Variants in TTC22 observed in about 807,000 individuals in gnomAD.
TTC22 encodes tetratricopeptide repeat protein 22.
A neutral mutation model predicts 48.2 loss-of-function variants in TTC22; 42 were observed. The observed-to-expected ratio is 0.87, with a 90% CI of 0.68 to 1.13. TTC22 has a LOEUF of 1.13. TTC22 is among the 50% of genes most tolerant of loss of function. The probability of loss-of-function intolerance (pLI) is 0.00; values close to 1 mark genes in which losing one functional copy is unlikely to be tolerated. For synonymous variants in TTC22, 345 were observed against 365.5 expected (o/e 0.94, Z 0.64); for missense variants, 784 against 807.0 (o/e 0.97, Z 0.34).
At chr1:54,783,665 G>A (rs1463220080) in intron 5 of TTC22, among the ~76,000 whole-genome samples, 1 of 152,182 alleles carries the variant, frequency 6.6e-6, no homozygotes, top group East Asian at 1.9e-4. Flanking sequence ...TTAGTGCTAA[G>A]AAGAAAACTA....
At chr1:54,789,041 A>G (rs1181644923) in intron 1 of TTC22, among the ~76,000 whole-genome samples, 1 of 152,190 alleles carries the variant, frequency 6.6e-6, no homozygotes, top group African/African-American at 2.4e-5. Context: ...CAACAAACCT[A>G]TCATGTAGCT....
At chr1:54,783,481 T>C (rs628667) in intron 5 of TTC22, among the ~76,000 whole-genome samples, 45,166 of 152,134 alleles carry the variant, frequency 0.3, 7,051 homozygotes, top group East Asian at 0.53. Flanking sequence ...TCAGTTCATT[T>C]ATTCATTCAG....
At chr1:54,787,924 T>C in intron 2 of TTC22, 98 bp from the exon 3 acceptor site, 2 of 1,479,118 alleles carry the variant, frequency 1.4e-6, no homozygotes, top group East Asian at 2.3e-5. Context: ...GGGTGGCGGT[T>C]TGGGGAGCCC....
chr1:54,796,552 A>G (rs900159939), intron 1 of TTC22, among the ~76,000 whole-genome samples: 2 of 152,248 alleles, frequency 1.3e-5, no homozygotes, highest in African/African-American at 4.8e-5. Flanking sequence ...CCCGGTGCAC[A>G]GACACCATTG....
intron 1 of TTC22, among the ~76,000 whole-genome samples, chr1:54,790,132 T>C (rs1382600117): frequency 6.6e-6 from 1 of 152,126 alleles, no homozygotes; most frequent in East Asian, 1.9e-4. Flanking sequence ...CCCAGCACTT[T>C]GGGAAGGTGA....
chr1:54,790,714 C>T (rs1646343034), intron 1 of TTC22, among the ~76,000 whole-genome samples: 1 of 152,238 alleles, frequency 6.6e-6, no homozygotes, highest in South Asian at 2.1e-4. Flanking sequence ...GTGTCAAAGC[C>T]TGACCATGTA....
intron 1 of TTC22, among the ~76,000 whole-genome samples, chr1:54,794,059 T>C (rs1646372673): frequency 6.6e-6 from 1 of 152,214 alleles, no homozygotes; most frequent in African/African-American, 2.4e-5. Context: ...CCCAGCAACC[T>C]GTGTTTTAAC....
At position 54,781,430 on chromosome 1, in the gene TTC22, T is replaced by C; in HGVS notation, c.1523A>G (p.Tyr508Cys). Residue 508 changes from tyrosine (Y) to cysteine (C), a missense_variant, in exon 7 of 7, where the codon TAC (tyrosine) becomes TGC (cysteine). Transcript: ENST00000371276. Reference protein sequence around the residue: ...DAWLRRAQDKYPAARLRQELQ... With the variant: ...DAWLRRAQDKCPAARLRQELQ... ...CTCCTGGCGCAGGCGCGCCGCGGGG[T>C]ACTTGTCCTGGGCGCGGCGCAGCCA... 1 of 1,428,108 alleles carries C rather than the reference T, an allele frequency of 7.0e-7. No homozygotes were observed. The highest frequency in any genetic ancestry group is 1.4e-5 in the South Asian group (1 of 69,344). 88.5% of individuals were successfully genotyped at this position (1,428,108 alleles called of 1,614,324 possible).
intron 1 of TTC22, among the ~76,000 whole-genome samples, 158 bp downstream of exon 1, chr1:54,800,439 T>G (rs963170028): frequency 1.3e-5 from 2 of 152,110 alleles, no homozygotes; most frequent in Non-Finnish European, 2.9e-5. Flanking sequence ...CAGGCCTGGC[T>G]GGGGCAGGCG....
chr1:54,782,511 C>A, intron 5 of TTC22, 34 bp from the exon 6 acceptor site: 2 of 1,519,444 alleles, frequency 1.3e-6, no homozygotes, highest in Non-Finnish European at 8.9e-7. Flanking sequence ...GAAAGATGAT[C>A]CAGGCAAGGG....
At chr1:54,789,162 G>A (rs2101455000) in intron 1 of TTC22, among the ~76,000 whole-genome samples, 1 of 152,348 alleles carries the variant, frequency 6.6e-6, no homozygotes, top group South Asian at 2.1e-4. Context: ...CCGTTTGTCA[G>A]CCTCCAAAGC....
At chr1:54,790,857 CCTT>C (rs71737449) in intron 1 of TTC22, among the ~76,000 whole-genome samples, 15,137 of 151,888 alleles carry the variant, frequency 0.1, 893 homozygotes, top group Non-Finnish European at 0.14. Flanking sequence ...TCCTCCTCCT[CCTT>C]CTTCTTCTTC....
intron 1 of TTC22, among the ~76,000 whole-genome samples, chr1:54,791,426 G>A (rs1010221331): frequency 6.6e-6 from 1 of 152,220 alleles, no homozygotes; most frequent in African/African-American, 2.4e-5. Flanking sequence ...GTCCTTATCT[G>A]CAAAGGAGGA....
intron 1 of TTC22, among the ~76,000 whole-genome samples, chr1:54,795,723 A>G (rs563869001): frequency 6.6e-6 from 1 of 152,332 alleles, no homozygotes; most frequent in Non-Finnish European, 1.5e-5. Context: ...GGGCTGGATG[A>G]TGCTAAAATC....
At chr1:54,786,650 T>C (rs1646303947) in intron 4 of TTC22, 1 of 311,300 alleles carries the variant, frequency 3.2e-6, no homozygotes, top group Non-Finnish European at 5.9e-6. Flanking sequence ...CTTTCTACTA[T>C]GCCACTGGGG....
intron 5 of TTC22, chr1:54,784,441 G>T: frequency 1.7e-6 from 1 of 584,884 alleles, no homozygotes; most frequent in Non-Finnish European, 2.2e-6. Flanking sequence ...CAGTTCCTTG[G>T]GGAAGTTCCC....
intron 1 of TTC22, among the ~76,000 whole-genome samples, chr1:54,790,761 GGCTGCT>G (rs3065099): frequency 0.018 from 2,737 of 151,602 alleles, 73 homozygotes; most frequent in African/African-American, 0.062. Flanking sequence ...CAGGCTTCCT[GGCTGCT>G]GCTGCTGCTG....
In TTC22 at chr1:54,800,525, T is replaced by A. The variant is rs1481084616; in HGVS notation, c.567+72A>T. 4 of 1,291,656 alleles carry A rather than the reference T, an allele frequency of 3.1e-6. No individual in the cohort carries two copies. In the African/African-American group the frequency reaches 6.3e-5, roughly 20 times the overall value. 80.0% of individuals were successfully genotyped at this position (1,291,656 alleles called of 1,614,324 possible). A position where few individuals can be genotyped will look rare whatever the true frequency, so the allele number is the denominator to read the frequency against. On this transcript the variant is annotated intron_variant, in intron 1 of 6. Coordinates refer to ENST00000371276, the MANE Select transcript of TTC22 (RefSeq NM_001114108.2). ...AGAGAGTCAGGGGTACCGGGGCATC[T>A]CTGCAGACAGAAGGGACCATGGGAG...
At chr1:54,799,262 T>A (rs939401419) in intron 1 of TTC22, among the ~76,000 whole-genome samples, 1 of 152,196 alleles carries the variant, frequency 6.6e-6, no homozygotes, top group African/African-American at 2.4e-5. Flanking sequence ...CTCATCTGGA[T>A]GTTCACTCAC....
Sources: allele counts gnomAD v4.1 joint callset (sites outside exome capture counted in the v4.1 genomes callset), GRCh38; gene constraint gnomAD v4.1.1; transcripts MANE v1.5; gene names NCBI Gene and HGNC (gene_info 2026-07-23, HGNC 2026-07-21).